The following SIN3B variants were observed in gnomAD, a reference collection of about 807,000 sequenced individuals.
SIN3B encodes SIN3 transcription regulator family member B, also known as paired amphipathic helix protein Sin3b.
A neutral mutation model predicts 120.2 loss-of-function variants in SIN3B; 19 were observed. The ratio of observed to expected loss-of-function variants is 0.16; its 90% CI spans 0.11 to 0.23. The LOEUF (loss-of-function observed/expected upper bound fraction) is 0.23. Ranked by LOEUF, SIN3B falls within the 10% of genes least tolerant of loss-of-function variation. SIN3B has a pLI of 1.00. For synonymous variants in SIN3B, 654 were observed against 653.2 expected (o/e 1.00, Z -0.02); for missense variants, 1,073 against 1,573.0 (o/e 0.68, Z 5.38).
intron 5 of SIN3B, among the ~76,000 whole-genome samples, chr19:16,849,465 G>A (rs1170990366): frequency 2.0e-5 from 3 of 152,242 alleles, no homozygotes; most frequent in Non-Finnish European, 4.4e-5. Flanking sequence ...GAATGGGCAT[G>A]ACTGGGTACC....
chr19:16,879,352 G>C lies in SIN3B; in HGVS notation c.*625G>C, dbSNP rs148808394. 6.6e-6 allele frequency: 1 copy of C among 152,472 alleles called. No individual in the cohort carries two copies. 9.4% of individuals were successfully genotyped at this position (152,472 alleles called of 1,614,324 possible). On this transcript the variant is annotated 3_prime_UTR_variant, in exon 19 of 19. Transcript: ENST00000248054. ...TTTGAAGTCCAGAGCTGGAGCAGGC[G>C]GGCAGTGCCCTGGGAGACCCCGCTC...
Position 16,863,088 on chromosome 19 carries a change from T to C in SIN3B, c.1266+529T>C, listed in dbSNP as rs747582806. On this transcript the variant is annotated intron_variant, in intron 9 of 18. Coordinates refer to ENST00000248054, the MANE Select transcript of SIN3B (RefSeq NM_001297595.2). ...CTTTACATATTGCCTGTGGCTGCTT[T>C]TCTCACCACAAAGGCAGAGTTGAGT... The C allele has an allele frequency of 1.1e-5, 9 of 826,398 alleles. No homozygotes were observed. In the South Asian group the frequency reaches 1.4e-4, roughly 13 times the overall value. 51.2% of individuals were successfully genotyped at this position (826,398 alleles called of 1,614,324 possible).
chr19:16,862,997 C>T lies in SIN3B; in HGVS notation c.1266+438C>T, dbSNP rs778459903. On this transcript the variant is annotated intron_variant, in intron 9 of 18. Coordinates refer to ENST00000248054, the MANE Select transcript of SIN3B (RefSeq NM_001297595.2). The surrounding 1 kb of genome is among the most constrained non-coding windows in gnomAD (Gnocchi z 4.7). ...GTGCAGGGGTCAGCAAACTCTGGCC[C>T]ACGGGCCCTGGCCCGCTGCCCGTGT... The T allele has an allele frequency of 3.1e-6, 5 of 1,590,834 alleles. No homozygotes were observed. Among genetic ancestry groups the T allele is most frequent in the Non-Finnish European group, 4.3e-6 (5 of 1,158,842 alleles).
At chr19:16,844,709 T>C (rs1971458803) in intron 4 of SIN3B, among the ~76,000 whole-genome samples, 1 of 152,224 alleles carries the variant, frequency 6.6e-6, no homozygotes, top group South Asian at 2.1e-4. Context: ...AGGCACCGAC[T>C]CTAAACAGCA....
chr19:16,851,739 G>GT (rs1229974763), intron 6 of SIN3B, among the ~76,000 whole-genome samples: 1 of 152,224 alleles, frequency 6.6e-6, no homozygotes, highest in African/African-American at 2.4e-5. Context: ...CTGTGAGATT[G>GT]TTTTGAAAAG....
Position 16,862,384 on chromosome 19 carries a change from C to A in SIN3B, c.1091C>A (p.Ser364Tyr). The A allele has an allele frequency of 6.2e-7, 1 of 1,614,190 alleles. No homozygotes were observed. The highest frequency in any genetic ancestry group is 8.5e-7 in the Non-Finnish European group (1 of 1,180,018). The change falls in exon 9 of 19, where the codon TCC becomes TAC. Residue 364 changes from serine (S) to tyrosine (Y), a missense_variant. Physicochemically the swap from Ser to Tyr is moderately radical, Grantham distance 144. This residue lies in a region of SIN3B where 395 missense variants were observed against 528.0 expected (regional missense o/e 0.75). Transcript: ENST00000248054. The surrounding 1 kb of genome is among the most constrained non-coding windows in gnomAD (Gnocchi z 4.7). ...KFPELFAQFK[S>Y]FLGVKELSFA... ...CCAGAACTCTTTGCACAGTTCAAGT[C>A]CTTCCTGGGGGTAAAAGAGCTGTCC...
chr19:16,834,905 C>T (rs1971326566), intron 3 of SIN3B, among the ~76,000 whole-genome samples: 1 of 151,036 alleles, frequency 6.6e-6, no homozygotes, highest in Non-Finnish European at 1.5e-5. Flanking sequence ...GATATTCTTT[C>T]TTTCTTTCTT....
rs910010021 is a variant in SIN3B, at chr19:16,862,272, A to G, written c.1059-80A>G. 14 of 1,118,708 alleles carry G rather than the reference A, an allele frequency of 1.3e-5. No homozygotes were observed. The highest frequency in any genetic ancestry group is 2.8e-5 in the South Asian group (2 of 71,208). 69.3% of individuals were successfully genotyped at this position (1,118,708 alleles called of 1,614,324 possible). On this transcript the variant is annotated intron_variant, in intron 8 of 18. Transcript: ENST00000248054. The surrounding 1 kb of genome is among the most constrained non-coding windows in gnomAD (Gnocchi z 4.7). ...ACTCTGTTTAACTTGTAATGTCCAC[A>G]TGAAGCCATTCTAAAATCTCCAGAT... is the stretch of plus-strand genomic sequence containing the variant.
intron 3 of SIN3B, among the ~76,000 whole-genome samples, chr19:16,832,488 G>A (rs190585176): frequency 2.7e-5 from 4 of 147,878 alleles, no homozygotes; most frequent in African/African-American, 7.5e-5. Context: ...GTGAGCCACC[G>A]TGCCCAGCCT....
chr19:16,845,397 C>T (rs962123270), intron 4 of SIN3B, among the ~76,000 whole-genome samples: 1 of 152,162 alleles, frequency 6.6e-6, no homozygotes, highest in Non-Finnish European at 1.5e-5. Flanking sequence ...TTCAACCTCC[C>T]GAGTAGCTGG....
intron 14 of SIN3B, among the ~76,000 whole-genome samples, chr19:16,874,809 GATCT>G (rs2051566311): frequency 2.0e-5 from 3 of 150,300 alleles, no homozygotes. Context: ...GGTCTGATCT[GATCT>G]GGTCTGGTTT....
chr19:16,877,627 T>C lies in SIN3B; in HGVS notation c.2942T>C (p.Val981Ala). 6.2e-7 allele frequency: 1 copy of C among 1,610,028 alleles called. No individual in the cohort carries two copies. Among genetic ancestry groups the C allele is most frequent in the South Asian group, 1.1e-5 (1 of 89,910 alleles). ...ACTGAGGGCTTCCTCCTGAAACCTG[T>C]GTTCCTGCAGAGGTAAGAGGCCCTG... The part of the protein sequence containing the change: ...SPTEGFLLKP[V>A]FLQRNLKKFR... Residue 981 changes from valine to alanine, a missense_variant, in exon 17 of 19, where the codon GTG (valine) becomes GCG (alanine). This residue lies in a region of SIN3B where 311 missense variants were observed against 400.3 expected (regional missense o/e 0.78). Transcript: ENST00000248054.
chr19:16,860,714 C>T (rs1279837993), intron 8 of SIN3B, among the ~76,000 whole-genome samples: 1 of 151,326 alleles, frequency 6.6e-6, no homozygotes, highest in East Asian at 1.9e-4. Flanking sequence ...CATTCTCCTG[C>T]CTCAGCCTCT....
At chr19:16,848,655 G>A (rs116807399) in intron 5 of SIN3B, among the ~76,000 whole-genome samples, 203 of 151,996 alleles carry the variant, frequency 1.3e-3, no homozygotes, top group African/African-American at 4.6e-3. Context: ...ACACCACCAC[G>A]ATGCCAGGCC....
intron 3 of SIN3B, among the ~76,000 whole-genome samples, chr19:16,841,162 A>G (rs1971412228): frequency 3.3e-5 from 5 of 151,984 alleles, no homozygotes; most frequent in Admixed American, 2.6e-4. Context: ...GCTGAAAAGT[A>G]CACGCATAGA....
intron 7 of SIN3B, among the ~76,000 whole-genome samples, chr19:16,853,708 G>A (rs1385071429): frequency 6.7e-6 from 1 of 149,464 alleles, no homozygotes; most frequent in African/African-American, 2.5e-5. Flanking sequence ...TCGCGTGCAC[G>A]GGCTGCGTGA....
chr19:16,829,642 TC>T, intron 1 of SIN3B, 102 bp downstream of exon 1: 1 of 699,552 alleles, frequency 1.4e-6, no homozygotes, highest in Non-Finnish European at 1.6e-6. Context: ...CACCTCGGCC[TC>T]CCCTCTGCAC....
In SIN3B at chr19:16,862,861, G is replaced by T; in HGVS notation, c.1266+302G>T. The T allele has an allele frequency of 6.3e-7, 1 of 1,587,228 alleles. No homozygotes were observed. Among genetic ancestry groups the T allele is most frequent in the South Asian group, 1.1e-5 (1 of 90,492 alleles). ...GATTCTGCTCTGTCCCGGGCTCACT[G>T]ACCTCAGTGTGTTTCTGTTTAGCTT... On this transcript the variant is annotated intron_variant, in intron 9 of 18. Transcript: ENST00000248054. This position sits in a 1 kb window ranked among gnomAD's most constrained non-coding sequence, Gnocchi z 4.7.
chr19:16,878,794 CG>C lies in SIN3B; in HGVS notation c.*71del. The C allele has an allele frequency of 2.2e-6, 3 of 1,391,354 alleles. No individual in the cohort carries two copies. The highest frequency in any genetic ancestry group is 1.4e-5 in the African/African-American group (1 of 70,008). The allele number at this position is 1,391,354 out of a possible 1,614,324, so 86.2% of individuals were successfully genotyped here. A position where few individuals can be genotyped will look rare whatever the true frequency, so the allele number is the denominator to read the frequency against. On this transcript the variant is annotated 3_prime_UTR_variant, in exon 19 of 19. Coordinates refer to ENST00000248054, the MANE Select transcript of SIN3B (RefSeq NM_001297595.2). ...GACGTGCCCTCGGCCTTGGTCGTGT[CG>C]GGGCCGTTTTCTTGAACGACGTGAG... is the stretch of plus-strand genomic sequence containing the variant.
Sources: allele counts gnomAD v4.1 joint callset (sites outside exome capture counted in the v4.1 genomes callset), GRCh38; gene constraint gnomAD v4.1.1; regional missense constraint gnomAD v4.1.1; non-coding constraint Gnocchi (gnomAD v3.1); transcripts MANE v1.5; gene names NCBI Gene and HGNC (gene_info 2026-07-23, HGNC 2026-07-21).